PLEKHA5: variants seen among roughly 807,000 people sequenced by gnomAD.
PLEKHA5 encodes the protein pleckstrin homology domain containing A5.
Under a neutral mutation model 181.9 loss-of-function variants are expected in PLEKHA5, and 55 were observed. That is an observed-to-expected ratio of 0.30 (90% CI 0.24 to 0.38). The LOEUF is 0.38. PLEKHA5 is among the 10% of genes least tolerant of loss of function. PLEKHA5 has a pLI of 1.00. For synonymous variants in PLEKHA5, 535 were observed against 529.4 expected (o/e 1.01, Z -0.15); for missense variants, 1,432 against 1,549.5 (o/e 0.92, Z 1.27).
chr12:19,347,886 T>C (rs1040923051), intron 24 of PLEKHA5, among the ~76,000 whole-genome samples: 105 of 148,264 alleles, frequency 7.1e-4, no homozygotes, highest in African/African-American at 2.5e-3. Flanking sequence ...AATATTCTTT[T>C]TTTTTTTTTT....
rs1235061767 is a variant in PLEKHA5 at position 19,195,864 on chromosome 12, G to A, written c.228-58076G>A. Among the ~76,000 whole-genome samples, 2 of 151,940 alleles carry A rather than the reference G, an allele frequency of 1.3e-5. 1 individual carries two copies. Among genetic ancestry groups the A allele is most frequent in the Non-Finnish European group, 2.9e-5 (2 of 68,010 alleles). ...ACACTTCTACCTATTATTTTTGACA[G>A]CTGCATGATGTGTTCCATACTACAG... is the stretch of plus-strand genomic sequence containing the variant. On this transcript the variant is annotated intron_variant, in intron 3 of 31. Transcript: ENST00000429027.
intron 3 of PLEKHA5, among the ~76,000 whole-genome samples, chr12:19,175,887 A>G (rs1330564286): frequency 2.0e-5 from 3 of 152,230 alleles, no homozygotes; most frequent in Admixed American, 1.3e-4. Flanking sequence ...TTGGGAGTCA[A>G]CCAACAAAGT....
intron 3 of PLEKHA5, among the ~76,000 whole-genome samples, chr12:19,138,217 A>G (rs540665994): frequency 2.2e-4 from 33 of 152,148 alleles, no homozygotes; most frequent in Non-Finnish European, 2.9e-4. Flanking sequence ...ACAGATAAAT[A>G]TAAGATGAAA....
intron 3 of PLEKHA5, among the ~76,000 whole-genome samples, chr12:19,218,138 G>A (rs1004934292): frequency 6.6e-6 from 1 of 152,030 alleles, no homozygotes; most frequent in Non-Finnish European, 1.5e-5. Context: ...GGACTTGTTC[G>A]AAGCTTAAGA....
intron 20 of PLEKHA5, among the ~76,000 whole-genome samples, chr12:19,324,424 A>G (rs1430120305): frequency 1.3e-5 from 2 of 152,186 alleles, no homozygotes; most frequent in Non-Finnish European, 2.9e-5. Context: ...GTATCTTGAA[A>G]TAAGAAACTA....
intron 29 of PLEKHA5, among the ~76,000 whole-genome samples, chr12:19,365,660 A>G (rs1462417099): frequency 6.6e-6 from 1 of 152,194 alleles, no homozygotes; most frequent in Non-Finnish European, 1.5e-5. Context: ...CATATTAAAA[A>G]TATGTTCTGA....
At chr12:19,176,663 T>C (rs1317762629) in intron 3 of PLEKHA5, 1 of 152,136 alleles carries the variant, frequency 6.6e-6, no homozygotes. Context: ...AGTGTTTTCC[T>C]TGATAGAAGC....
intron 3 of PLEKHA5, among the ~76,000 whole-genome samples, chr12:19,252,935 G>T (rs1592212901): frequency 6.6e-6 from 1 of 151,602 alleles, no homozygotes; most frequent in Admixed American, 6.6e-5. Context: ...ACCCATGTTG[G>T]ACCATAAAAC....
At chr12:19,348,301 C>T in intron 24 of PLEKHA5, 98 bp from the exon 25 acceptor site, 1 of 838,004 alleles carries the variant, frequency 1.2e-6, no homozygotes, top group South Asian at 1.7e-5. Flanking sequence ...CTCACTAGGG[C>T]TACTAATGTT....
intron 3 of PLEKHA5, among the ~76,000 whole-genome samples, chr12:19,235,956 C>T (rs1375431102): frequency 1.3e-5 from 2 of 152,238 alleles, no homozygotes; most frequent in Admixed American, 6.5e-5. Flanking sequence ...AAAACATGCA[C>T]GTGTTTTGAC....
chr12:19,275,021 T>C, intron 11 of PLEKHA5, 38 bp downstream of exon 11: 2 of 1,390,202 alleles, frequency 1.4e-6, no homozygotes, highest in Non-Finnish European at 2.0e-6. Flanking sequence ...CCAGGTTTCT[T>C]TGATGCTGTG....
chr12:19,309,777 A>G (rs2085743350), intron 15 of PLEKHA5, among the ~76,000 whole-genome samples: 1 of 152,052 alleles, frequency 6.6e-6, no homozygotes, highest in African/African-American at 2.4e-5. Flanking sequence ...CAAGTTGTAT[A>G]AAACCGATAC....
intron 3 of PLEKHA5, among the ~76,000 whole-genome samples, chr12:19,176,852 A>T (rs1488101624): frequency 6.6e-6 from 1 of 151,952 alleles, no homozygotes; most frequent in Admixed American, 6.6e-5. Context: ...TAGCATATGC[A>T]TTACCTCACA....
chr12:19,172,433 C>T (rs1315709307), intron 3 of PLEKHA5, among the ~76,000 whole-genome samples: 1 of 151,288 alleles, frequency 6.6e-6, no homozygotes, highest in Non-Finnish European at 1.5e-5. Flanking sequence ...ACTCCCAAAA[C>T]TCACCAATAA....
intron 3 of PLEKHA5, among the ~76,000 whole-genome samples, chr12:19,145,902 G>A (rs148558385): frequency 6.6e-6 from 1 of 152,286 alleles, no homozygotes; most frequent in East Asian, 1.9e-4. Context: ...ATGCTTAAAT[G>A]TGCAATCATA....
At chr12:19,216,359 T>G (rs1195517343) in intron 3 of PLEKHA5, among the ~76,000 whole-genome samples, 2 of 152,104 alleles carry the variant, frequency 1.3e-5, no homozygotes, top group Admixed American at 1.3e-4. Context: ...ATGTGATCCT[T>G]CTAGTGGTTA....
intron 9 of PLEKHA5, 106 bp downstream of exon 9, chr12:19,269,991 G>A: frequency 1.5e-6 from 1 of 668,750 alleles, no homozygotes; most frequent in Non-Finnish European, 2.5e-6. Context: ...GTCATGGTAT[G>A]AAATCATTTT....
chr12:19,216,197 G>A (rs181235871), intron 3 of PLEKHA5, among the ~76,000 whole-genome samples: 5 of 152,272 alleles, frequency 3.3e-5, no homozygotes, highest in Admixed American at 2.6e-4. Context: ...TAGGAACACT[G>A]GGTGGTATAA....
chr12:19,223,459 G>A (rs547191242), intron 3 of PLEKHA5, among the ~76,000 whole-genome samples: 1 of 151,912 alleles, frequency 6.6e-6, no homozygotes, highest in Non-Finnish European at 1.5e-5. Flanking sequence ...AACTTATCTG[G>A]GAAATCTGGG....
Sources: gnomAD v4.1 joint callset for allele counts (sites outside exome capture counted in the v4.1 genomes callset) on GRCh38, gnomAD v4.1.1 for gene constraint, MANE v1.5 for transcripts, NCBI Gene and HGNC (gene_info 2026-07-23, HGNC 2026-07-21) for gene names.